Variants in SAMD5 observed in about 807,000 individuals in gnomAD.
SAMD5 encodes sterile alpha motif domain containing 5.
A neutral mutation model predicts 11.3 loss-of-function variants in SAMD5; 13 were observed. The ratio of observed to expected loss-of-function variants is 1.15; its 90% CI spans 0.75 to 1.83. The LOEUF is 1.83. Ranked by LOEUF, SAMD5 falls within the 40% of genes most tolerant of loss-of-function variation. SAMD5 has a pLI of 0.00. For synonymous variants in SAMD5, 129 were observed against 111.3 expected (o/e 1.16, Z -1.00); for missense variants, 255 against 239.1 (o/e 1.07, Z -0.44).
At chr6:147,847,939 A>G in the SAMD5 span, among the ~76,000 whole-genome samples, 1 of 152,208 alleles carries the variant, frequency 6.6e-6, no homozygotes, top group Non-Finnish European at 1.5e-5. Flanking sequence ...CTGGCAGGAT[A>G]TGGCATTGTC....
At chr6:147,947,606 C>CTATG in the SAMD5 span, 1 of 152,128 alleles carries the variant, frequency 6.6e-6, no homozygotes, top group Non-Finnish European at 1.5e-5. Flanking sequence ...AACCAGAAAG[C>CTATG]ATAAGCGAAC....
intron 1 of SAMD5, among the ~76,000 whole-genome samples, chr6:147,537,381 T>G (rs1294310753): frequency 1.3e-5 from 2 of 152,144 alleles, no homozygotes; most frequent in East Asian, 3.9e-4. Context: ...AAACACTGGA[T>G]ATCACGAAAT....
chr6:147,827,932 G>A, the SAMD5 span, among the ~76,000 whole-genome samples: 1 of 151,620 alleles, frequency 6.6e-6, no homozygotes, highest in Non-Finnish European at 1.5e-5. Context: ...TGGGACTACA[G>A]GCACCCACCA....
chr6:147,846,675 C>G, the SAMD5 span, among the ~76,000 whole-genome samples: 2 of 152,114 alleles, frequency 1.3e-5, no homozygotes, highest in South Asian at 4.1e-4. Flanking sequence ...CAAAAATTAG[C>G]CTGGTGTGGT....
At chr6:147,526,821 A>C (rs1390724206) in intron 1 of SAMD5, among the ~76,000 whole-genome samples, 1 of 139,948 alleles carries the variant, frequency 7.1e-6, no homozygotes, top group East Asian at 2.0e-4. Context: ...GGATGGGAGA[A>C]ATGAAGCATA....
chr6:147,613,120 T>C (rs1048430214), intron 1 of SAMD5, among the ~76,000 whole-genome samples: 1 of 152,228 alleles, frequency 6.6e-6, no homozygotes, highest in Non-Finnish European at 1.5e-5. Flanking sequence ...CACTGCACTC[T>C]AGCCTGGGTG....
At position 147,668,261 on chromosome 6, in the gene SAMD5, G is replaced by A. The variant is rs143963086; in HGVS notation, c.163-69056G>A. ...ATGTAGATCAGAAATAGCTTGTATC[G>A]TACTAGACATATTTATCTACAATAT... On this transcript the variant is annotated intron_variant, in intron 1 of 1. Transcript: ENST00000566741. Among the ~76,000 whole-genome samples the A allele has an allele frequency of 1.4e-3, 216 of 152,130 alleles. 1 individual carries two copies. The highest frequency in any genetic ancestry group is 4.1e-3 in the African/African-American group (169 of 41,520).
At chr6:147,794,813 C>T in the SAMD5 span, among the ~76,000 whole-genome samples, 1 of 151,982 alleles carries the variant, frequency 6.6e-6, no homozygotes, top group South Asian at 2.1e-4. Flanking sequence ...ACCCTTTTAA[C>T]AGGTCATTAT....
At chr6:147,625,606 C>T (rs1790038974) in intron 1 of SAMD5, among the ~76,000 whole-genome samples, 1 of 152,118 alleles carries the variant, frequency 6.6e-6, no homozygotes, top group South Asian at 2.1e-4. Context: ...TCAGTGCCAC[C>T]CTTAATACCT....
intron 1 of SAMD5, among the ~76,000 whole-genome samples, chr6:147,558,778 C>T (rs1562320332): frequency 6.6e-6 from 1 of 152,070 alleles, no homozygotes; most frequent in Non-Finnish European, 1.5e-5. Context: ...TGAGAAATTA[C>T]CCCACTCCCC....
intron 1 of SAMD5, among the ~76,000 whole-genome samples, chr6:147,622,490 A>G (rs1201269696): frequency 6.6e-6 from 1 of 152,188 alleles, no homozygotes; most frequent in African/African-American, 2.4e-5. Context: ...AGTATCTTGA[A>G]CTGACTTACA....
intron 1 of SAMD5, chr6:147,737,295 A>G: frequency 8.3e-7 from 1 of 1,199,074 alleles, no homozygotes; most frequent in Non-Finnish European, 1.1e-6. Flanking sequence ...ATTAAACTTC[A>G]TTTCCTCTTT....
chr6:147,873,248 A>G, the SAMD5 span, among the ~76,000 whole-genome samples: 1 of 151,896 alleles, frequency 6.6e-6, no homozygotes, highest in African/African-American at 2.4e-5. Flanking sequence ...GTGGTGGTGC[A>G]CGCCTGTAGT....
chr6:147,916,018 T>C, the SAMD5 span, among the ~76,000 whole-genome samples: 1 of 151,536 alleles, frequency 6.6e-6, no homozygotes, highest in Non-Finnish European at 1.5e-5. Context: ...TTTTTTGTCC[T>C]TCTGAGAGTT....
chr6:147,897,808 G>T, the SAMD5 span, among the ~76,000 whole-genome samples: 3 of 151,946 alleles, frequency 2.0e-5, no homozygotes, highest in Admixed American at 6.6e-5. Flanking sequence ...AGCCAGGCCT[G>T]GTGTCACACA....
chr6:147,597,014 G>T (rs1789541085), intron 1 of SAMD5, among the ~76,000 whole-genome samples: 1 of 152,120 alleles, frequency 6.6e-6, no homozygotes, highest in African/African-American at 2.4e-5. Flanking sequence ...TATGGTTCTG[G>T]GTTATGGTGG....
At chr6:147,763,824 C>A in the SAMD5 span, among the ~76,000 whole-genome samples, 1 of 150,544 alleles carries the variant, frequency 6.6e-6, no homozygotes, top group African/African-American at 2.4e-5. Flanking sequence ...CCTCGTGGTC[C>A]GCCTGCCTCG....
the SAMD5 span, among the ~76,000 whole-genome samples, chr6:147,811,953 G>A: frequency 1.4e-4 from 22 of 152,132 alleles, no homozygotes; most frequent in Non-Finnish European, 2.8e-4. Context: ...TATGGTGGAA[G>A]GAACTGGAGA....
At chr6:147,796,022 T>C in the SAMD5 span, among the ~76,000 whole-genome samples, 57,066 of 143,098 alleles carry the variant, frequency 0.4, 12,319 homozygotes, top group African/African-American at 0.6. Context: ...AGGTTGCCTG[T>C]TCACTCTGAT....
Sources: gnomAD v4.1 joint callset for allele counts (sites outside exome capture counted in the v4.1 genomes callset) on GRCh38, gnomAD v4.1.1 for gene constraint, MANE v1.5 for transcripts, NCBI Gene and HGNC (gene_info 2026-07-23, HGNC 2026-07-21) for gene names.